Variants in IL1RAPL1 observed in about 807,000 individuals in gnomAD.
IL1RAPL1 encodes the protein interleukin-1 receptor accessory protein-like 1.
A neutral mutation model predicts 48.4 loss-of-function variants in IL1RAPL1; 3 were observed. That is an observed-to-expected ratio of 0.06 (90% CI 0.03 to 0.16). The LOEUF is 0.16. Among genes scored for constraint, IL1RAPL1 ranks in the 10% least tolerant of loss-of-function variants. The pLI, the probability that IL1RAPL1 is intolerant of heterozygous loss-of-function variation, is 1.00. For synonymous variants in IL1RAPL1, 185 were observed against 187.7 expected (o/e 0.99, Z 0.12); for missense variants, 349 against 530.6 (o/e 0.66, Z 3.36).
intron 5 of IL1RAPL1, among the ~76,000 whole-genome samples, chrX:29,536,174 C>T (rs1921226154): frequency 9.0e-6 from 1 of 111,710 alleles, no homozygotes; most frequent in South Asian, 3.7e-4. Context: ...AGAAATCTAC[C>T]GTTTATGGTG....
At chrX:28,989,631 T>C (rs1925554567) in intron 2 of IL1RAPL1, among the ~76,000 whole-genome samples, 1 of 112,424 alleles carries the variant, frequency 8.9e-6, no homozygotes, top group South Asian at 3.6e-4. Context: ...ATATTTTGTG[T>C]CAAACAATTA....
At chrX:29,064,083 G>T (rs1162899721) in intron 2 of IL1RAPL1, among the ~76,000 whole-genome samples, 2 of 111,687 alleles carry the variant, frequency 1.8e-5, no homozygotes, top group Non-Finnish European at 3.8e-5. Context: ...CTACCCAAGA[G>T]TAGGGCAGAG....
chrX:29,310,182 A>G (rs1932703424), intron 3 of IL1RAPL1, among the ~76,000 whole-genome samples: 1 of 106,053 alleles, frequency 9.4e-6, no homozygotes, highest in Non-Finnish European at 1.9e-5. Context: ...TTATTAAGGA[A>G]AGAATCCTAG....
At chrX:28,777,072 C>T (rs961764926) in intron 1 of IL1RAPL1, among the ~76,000 whole-genome samples, 2 of 111,716 alleles carry the variant, frequency 1.8e-5, no homozygotes, top group South Asian at 3.7e-4. Context: ...TTCTGTAGGT[C>T]GAAAGTATAA....
At chrX:29,663,642 T>C (rs1014820540) in intron 5 of IL1RAPL1, among the ~76,000 whole-genome samples, 22 of 112,227 alleles carry the variant, frequency 2.0e-4, no homozygotes, top group Admixed American at 3.8e-4. Context: ...GCCTTGCATA[T>C]TTAAAAGTCT....
intron 2 of IL1RAPL1, among the ~76,000 whole-genome samples, chrX:28,812,454 A>C (rs1044958668): frequency 1.8e-5 from 2 of 110,715 alleles, no homozygotes; most frequent in South Asian, 7.4e-4. Flanking sequence ...AAGATTTAGA[A>C]TATGTCTTGA....
intron 6 of IL1RAPL1, among the ~76,000 whole-genome samples, chrX:29,773,595 T>C (rs369891911): frequency 8.9e-6 from 1 of 112,520 alleles, no homozygotes; most frequent in Non-Finnish European, 1.9e-5. Flanking sequence ...GAATTTTTCC[T>C]TGTCATTACC....
Position 29,796,337 on chromosome X carries a change from A to G in IL1RAPL1, c.779-121127A>G, listed in dbSNP as rs546589000. On this transcript the variant is annotated intron_variant, in intron 6 of 10. Coordinates refer to ENST00000378993, the MANE Select transcript of IL1RAPL1 (RefSeq NM_014271.4). ...TACTCTGCTGAACAATGACTTATATATCCAAATACCTACTAGAAATCTACT... is the reference window on the plus strand; with the variant it reads ...TACTCTGCTGAACAATGACTTATATGTCCAAATACCTACTAGAAATCTACT... 5.3e-5 allele frequency among the ~76,000 whole-genome samples: 6 copies of G among 112,320 alleles called. No individual in the cohort carries two copies. In the South Asian group the frequency reaches 2.2e-3, roughly 41 times the overall value.
chrX:28,616,934 C>T (rs755546958), intron 1 of IL1RAPL1, among the ~76,000 whole-genome samples: 1 of 112,289 alleles, frequency 8.9e-6, no homozygotes, highest in South Asian at 3.7e-4. Context: ...TACAGAACTA[C>T]ATCAGTCACA....
intron 2 of IL1RAPL1, among the ~76,000 whole-genome samples, chrX:29,089,393 A>G (rs962547001): frequency 4.5e-5 from 5 of 110,217 alleles, no homozygotes; most frequent in Non-Finnish European, 7.6e-5. Flanking sequence ...TGGAGAGGAC[A>G]TGTAAGATCT....
At chrX:29,551,328 A>G (rs1921811979) in intron 5 of IL1RAPL1, among the ~76,000 whole-genome samples, 1 of 112,190 alleles carries the variant, frequency 8.9e-6, no homozygotes, top group Non-Finnish European at 1.9e-5. Flanking sequence ...TGAATTGAAT[A>G]TGAAGACTAA....
chrX:29,244,905 C>T (rs1038087728), intron 2 of IL1RAPL1, among the ~76,000 whole-genome samples: 1 of 110,702 alleles, frequency 9.0e-6, no homozygotes, highest in Admixed American at 9.6e-5. Flanking sequence ...AGGTATTTCT[C>T]TTAATGCTAT....
chrX:28,793,862 T>C, intron 2 of IL1RAPL1, among the ~76,000 whole-genome samples: 1 of 110,927 alleles, frequency 9.0e-6, no homozygotes, highest in East Asian at 2.9e-4. Flanking sequence ...GAATATAAGA[T>C]GGTGAGTGCA....
intron 6 of IL1RAPL1, among the ~76,000 whole-genome samples, chrX:29,883,186 CT>C (rs1932064992): frequency 9.0e-6 from 1 of 110,899 alleles, no homozygotes; most frequent in Non-Finnish European, 1.9e-5. Context: ...ATTCCTGTTC[CT>C]TGACTTCCTG....
chrX:29,135,866 C>G (rs867258585), intron 2 of IL1RAPL1, among the ~76,000 whole-genome samples: 3 of 111,141 alleles, frequency 2.7e-5, no homozygotes, highest in Non-Finnish European at 5.7e-5. Context: ...TCCCAAGTAA[C>G]TGGGACTACA....
At chrX:29,188,136 T>G (rs1930287088) in intron 2 of IL1RAPL1, among the ~76,000 whole-genome samples, 1 of 112,031 alleles carries the variant, frequency 8.9e-6, no homozygotes, top group Non-Finnish European at 1.9e-5. Context: ...CTCAACCATG[T>G]GGTTAAAATC....
intron 2 of IL1RAPL1, among the ~76,000 whole-genome samples, chrX:29,199,481 G>T (rs1337660350): frequency 9.0e-6 from 1 of 111,662 alleles, no homozygotes; most frequent in South Asian, 3.8e-4. Flanking sequence ...TGGCACCGGG[G>T]ACTGGTTTCA....
At chrX:29,644,084 G>A (rs1569135931) in intron 5 of IL1RAPL1, among the ~76,000 whole-genome samples, 1 of 111,826 alleles carries the variant, frequency 8.9e-6, no homozygotes. Flanking sequence ...TTTTAAGCTA[G>A]GACTTCCTGA....
At chrX:29,282,222 A>G (rs1490769066) in intron 2 of IL1RAPL1, among the ~76,000 whole-genome samples, 2 of 112,522 alleles carry the variant, frequency 1.8e-5, no homozygotes, top group East Asian at 5.6e-4. Flanking sequence ...AATGGCTACC[A>G]TTAGCCCTAG....
Sources: allele counts gnomAD v4.1 joint callset (sites outside exome capture counted in the v4.1 genomes callset), GRCh38; gene constraint gnomAD v4.1.1; transcripts MANE v1.5; gene names NCBI Gene and HGNC (gene_info 2026-07-23, HGNC 2026-07-21).